TFDP2: variants seen among roughly 807,000 people sequenced by gnomAD.
The protein encoded by TFDP2 is transcription factor Dp-2, also known as transcription factor Dp-2 (E2F dimerization partner 2).
A neutral mutation model predicts 59.3 loss-of-function variants in TFDP2; 17 were observed. The observed-to-expected ratio is 0.29, with a 90% CI of 0.20 to 0.43. The LOEUF is 0.43. Ranked by LOEUF, TFDP2 falls within the 20% of genes least tolerant of loss-of-function variation. The pLI is 1.00. For missense variants in TFDP2, 391 were observed against 528.8 expected (o/e 0.74, Z 2.56); for synonymous variants, 180 against 194.7 (o/e 0.92, Z 0.63).
chr3:142,107,092 C>G (rs910272397), intron 1 of TFDP2, among the ~76,000 whole-genome samples: 2 of 152,088 alleles, frequency 1.3e-5, no homozygotes, highest in Admixed American at 6.5e-5. Context: ...AAACAAAAAG[C>G]AAGAAACAAA....
intron 4 of TFDP2, among the ~76,000 whole-genome samples, chr3:142,004,081 G>A (rs940409009): frequency 1.3e-5 from 2 of 152,154 alleles, no homozygotes; most frequent in Non-Finnish European, 2.9e-5. Flanking sequence ...AGTGGCTGAG[G>A]AGGGGCAAAT....
intron 8 of TFDP2, among the ~76,000 whole-genome samples, chr3:141,972,879 A>G (rs1939979907): frequency 6.6e-6 from 1 of 151,984 alleles, no homozygotes; most frequent in Non-Finnish European, 1.5e-5. Context: ...ACTGGTCATG[A>G]AAATGATGCT....
intron 3 of TFDP2, among the ~76,000 whole-genome samples, chr3:142,061,600 T>G (rs1056392804): frequency 1.6e-4 from 24 of 152,118 alleles, no homozygotes; most frequent in African/African-American, 5.8e-4. Flanking sequence ...TGCTTCTGTT[T>G]GAGCTGGACA....
chr3:141,974,916 T>C (rs201812093), intron 7 of TFDP2, among the ~76,000 whole-genome samples: 6 of 130,802 alleles, frequency 4.6e-5, no homozygotes, highest in East Asian at 2.2e-4. Flanking sequence ...TCTTTTTTTT[T>C]TTTTTTTTTT....
At chr3:142,020,493 C>A (rs1945503501) in intron 3 of TFDP2, among the ~76,000 whole-genome samples, 1 of 149,308 alleles carries the variant, frequency 6.7e-6, no homozygotes, top group Non-Finnish European at 1.5e-5. Context: ...CGAGATGGTG[C>A]CATTGCACTC....
At chr3:141,972,831 T>C (rs1395566450) in intron 8 of TFDP2, among the ~76,000 whole-genome samples, 5 of 152,040 alleles carry the variant, frequency 3.3e-5, no homozygotes, top group African/African-American at 1.2e-4. Flanking sequence ...TGAATAGGGT[T>C]TTTTTGCTTA....
At chr3:142,010,358 C>A (rs961567020) in intron 3 of TFDP2, among the ~76,000 whole-genome samples, 6 of 152,146 alleles carry the variant, frequency 3.9e-5, no homozygotes, top group African/African-American at 1.4e-4. Context: ...CACCTGTAAT[C>A]CCAGCACTTT....
At chr3:141,968,323 CAT>C (rs1317795505) in intron 9 of TFDP2, among the ~76,000 whole-genome samples, 7 of 118,428 alleles carry the variant, frequency 5.9e-5, no homozygotes, top group South Asian at 2.4e-4. Context: ...CTATATATAA[CAT>C]ATAATATATA....
chr3:142,097,449 G>A (rs1399166708), intron 2 of TFDP2, among the ~76,000 whole-genome samples: 1 of 152,170 alleles, frequency 6.6e-6, no homozygotes, highest in Non-Finnish European at 1.5e-5. Context: ...GGAGCACCTA[G>A]GGAGGCTAAG....
chr3:142,012,752 A>C (rs896063692), intron 3 of TFDP2, among the ~76,000 whole-genome samples: 187 of 152,332 alleles, frequency 1.2e-3, no homozygotes, highest in African/African-American at 4.4e-3. Context: ...AGTGGTTAGC[A>C]CTGATGAGTA....
At position 141,949,075 on chromosome 3, in the gene TFDP2, CAAAAAAAAAAAA is replaced by C. The variant is rs3058539; in HGVS notation, c.*3426_*3437del. The C allele has an allele frequency of 1.2e-5, 1 of 85,464 alleles. No individual in the cohort carries two copies. Among genetic ancestry groups the C allele is most frequent in the African/African-American group, 4.6e-5 (1 of 21,508 alleles). 5.3% of individuals were successfully genotyped at this position (85,464 alleles called of 1,614,324 possible). On this transcript the variant is annotated 3_prime_UTR_variant, in exon 13 of 13. Coordinates refer to ENST00000489671, the MANE Select transcript of TFDP2 (RefSeq NM_001178139.2). ...TGGGCAACAGAGCGAGACTCAGTCT[CAAAAAAAAAAAA>C]AAAAAAAAAAAAAATTTCCATTTGA...
chr3:141,979,745 C>A (rs1338744409), intron 6 of TFDP2, among the ~76,000 whole-genome samples: 2 of 152,098 alleles, frequency 1.3e-5, no homozygotes, highest in Non-Finnish European at 2.9e-5. Context: ...TGCACCACCA[C>A]ACCTGGCTAA....
chr3:142,073,841 T>C (rs1261863569), intron 3 of TFDP2, among the ~76,000 whole-genome samples: 1 of 152,162 alleles, frequency 6.6e-6, no homozygotes, highest in Non-Finnish European at 1.5e-5. Flanking sequence ...AATGTTCCAT[T>C]TGAATGGAGC....
intron 9 of TFDP2, among the ~76,000 whole-genome samples, chr3:141,969,426 G>C (rs1576508198): frequency 6.6e-6 from 1 of 150,412 alleles, no homozygotes. Flanking sequence ...GCCTGGCCAA[G>C]ATGGTGAAAC....
chr3:141,987,995 G>A (rs1406015924), intron 6 of TFDP2, among the ~76,000 whole-genome samples: 1 of 151,362 alleles, frequency 6.6e-6, no homozygotes, highest in East Asian at 1.9e-4. Context: ...CACCCAGGCT[G>A]GAGTGCAGGG....
intron 1 of TFDP2, among the ~76,000 whole-genome samples, chr3:142,133,822 G>A (rs565685401): frequency 3.3e-5 from 5 of 151,790 alleles, no homozygotes; most frequent in Admixed American, 2.0e-4. Context: ...GTTTTGTTTT[G>A]TTTTTTAAAC....
At chr3:142,120,230 T>C (rs1300511746) in intron 1 of TFDP2, among the ~76,000 whole-genome samples, 6 of 151,276 alleles carry the variant, frequency 4.0e-5, no homozygotes, top group Non-Finnish European at 8.8e-5. Flanking sequence ...GGCTTGGTGG[T>C]GGGCGCCTGT....
intron 6 of TFDP2, among the ~76,000 whole-genome samples, chr3:141,986,313 T>C (rs985562645): frequency 1.3e-5 from 2 of 152,252 alleles, no homozygotes; most frequent in Non-Finnish European, 2.9e-5. Flanking sequence ...TAAAGAAAAG[T>C]ACGCAAACCA....
At chr3:142,095,248 CCAAAGTA>C (rs565185330) in intron 2 of TFDP2, among the ~76,000 whole-genome samples, 131 of 152,282 alleles carry the variant, frequency 8.6e-4, no homozygotes, top group African/African-American at 3.1e-3. Context: ...TCTTGGCCTC[CCAAAGTA>C]CTGGGATTAC....
Sources: gnomAD v4.1 joint callset for allele counts (sites outside exome capture counted in the v4.1 genomes callset) on GRCh38, gnomAD v4.1.1 for gene constraint, MANE v1.5 for transcripts, NCBI Gene and HGNC (gene_info 2026-07-23, HGNC 2026-07-21) for gene names.